Variants in MAP2 observed in about 807,000 individuals in gnomAD.
The protein encoded by MAP2 is microtubule-associated protein 2.
MAP2 carries 14 observed loss-of-function variants against 137.6 expected under a neutral mutation model. That is an observed-to-expected ratio of 0.10 (90% CI 0.07 to 0.16). MAP2 has a LOEUF of 0.16. Ranked by LOEUF, MAP2 falls within the 10% of genes least tolerant of loss-of-function variation. MAP2 has a pLI of 1.00. For synonymous variants in MAP2, 786 were observed against 782.3 expected (o/e 1.00, Z -0.08); for missense variants, 2,088 against 2,191.5 (o/e 0.95, Z 0.94).
intron 1 of MAP2, among the ~76,000 whole-genome samples, chr2:209,430,109 A>G (rs530104706): frequency 2.0e-5 from 3 of 151,044 alleles, no homozygotes; most frequent in African/African-American, 7.3e-5. Context: ...CCCACTTTGA[A>G]AAACAAGCAA....
intron 1 of MAP2, among the ~76,000 whole-genome samples, chr2:209,496,714 A>C (rs2059791800): frequency 6.6e-6 from 1 of 152,120 alleles, no homozygotes; most frequent in African/African-American, 2.4e-5. Context: ...CTAAGAATGT[A>C]CTGGGAGTCT....
At chr2:209,596,060 A>T (rs1284930622) in intron 3 of MAP2, among the ~76,000 whole-genome samples, 3 of 152,192 alleles carry the variant, frequency 2.0e-5, no homozygotes, top group African/African-American at 7.2e-5. Flanking sequence ...CCTATGTAAC[A>T]AACCTACACG....
chr2:209,562,653 C>A (rs192977478), intron 2 of MAP2, among the ~76,000 whole-genome samples: 1 of 151,674 alleles, frequency 6.6e-6, no homozygotes, highest in African/African-American at 2.4e-5. Flanking sequence ...GCCAAGATTG[C>A]GCCACCACAC....
chr2:209,472,364 C>T (rs75006660), intron 1 of MAP2, among the ~76,000 whole-genome samples: 60 of 152,158 alleles, frequency 3.9e-4, no homozygotes, highest in Non-Finnish European at 7.2e-4. Context: ...ATATCAACAC[C>T]AAGCTTAAAA....
At position 209,693,741 on chromosome 2, in the gene MAP2, C is replaced by T. The variant is rs908733854; in HGVS notation, c.1571C>T (p.Pro524Leu). Residue 524 changes from proline (P) to leucine (L), a missense_variant, in exon 8 of 16, where the codon CCA becomes CTA. Physicochemically the swap from Pro to Leu is moderately conservative, Grantham distance 98. This residue lies in a region of MAP2 where 859 missense variants were observed against 794.5 expected (regional missense o/e 1.08). Coordinates refer to ENST00000682079, the MANE Select transcript of MAP2 (RefSeq NM_001375505.1). ...ACACTGGAGAAAGCCATGACCGAAC[C>T]ATCTGCATTAATTGAAAAGAGCTCA... ...SKTLEKAMTE[P>L]SALIEKSSIQ... is the part of the protein sequence containing the mutation. The T allele has an allele frequency of 4.3e-6, 7 of 1,613,498 alleles. No homozygotes were observed. Among genetic ancestry groups the T allele is most frequent in the South Asian group, 1.1e-5 (1 of 90,936 alleles).
At chr2:209,554,370 C>T (rs188928982) in intron 2 of MAP2, among the ~76,000 whole-genome samples, 3 of 152,286 alleles carry the variant, frequency 2.0e-5, no homozygotes, top group Non-Finnish European at 2.9e-5. Context: ...TGGTCTTCTC[C>T]ACTCTCTTCT....
intron 1 of MAP2, among the ~76,000 whole-genome samples, chr2:209,504,968 A>G (rs1034107831): frequency 2.0e-5 from 3 of 152,150 alleles, no homozygotes; most frequent in Non-Finnish European, 4.4e-5. Context: ...ATACACAGTC[A>G]CTGAGTGTGT....
At position 209,444,573 on chromosome 2, in the gene MAP2, T is replaced by C. The variant is rs554808938; in HGVS notation, c.-222+20297T>C. 7.3e-5 allele frequency among the ~76,000 whole-genome samples: 11 copies of C among 151,652 alleles called. No homozygotes were observed. The South Asian group carries it at 2.3e-3, about 31-fold the overall frequency. ...TTGAATCAAGATCTGAAGTGAATTT[T>C]GGTTGCAGTTTAGTAAAATTAAGAT... is the stretch of plus-strand genomic sequence containing the variant. On this transcript the variant is annotated intron_variant, in intron 1 of 15. Transcript: ENST00000682079.
At chr2:209,718,645 G>A (rs555403770) in intron 13 of MAP2, among the ~76,000 whole-genome samples, 3 of 152,080 alleles carry the variant, frequency 2.0e-5, no homozygotes, top group Non-Finnish European at 4.4e-5. Flanking sequence ...TGTGCCATGC[G>A]ACTCAGCTTG....
chr2:209,726,577 G>T (rs962481722), intron 14 of MAP2, among the ~76,000 whole-genome samples: 9 of 152,106 alleles, frequency 5.9e-5, no homozygotes, highest in African/African-American at 2.2e-4. Context: ...CAGCAACATA[G>T]GGAAACCCCT....
At chr2:209,637,814 G>A (rs1286915623) in intron 4 of MAP2, among the ~76,000 whole-genome samples, 3 of 151,986 alleles carry the variant, frequency 2.0e-5, no homozygotes, top group Non-Finnish European at 4.4e-5. Context: ...TAAACTTTTT[G>A]TGATTTTTCT....
chr2:209,606,841 A>G (rs1348630068), intron 3 of MAP2, among the ~76,000 whole-genome samples: 5 of 152,216 alleles, frequency 3.3e-5, no homozygotes, highest in African/African-American at 1.2e-4. Flanking sequence ...GTCAAAAGCT[A>G]ACTCAAGTAA....
intron 7 of MAP2, among the ~76,000 whole-genome samples, chr2:209,688,326 C>T (rs1319620592): frequency 6.6e-6 from 1 of 152,100 alleles, no homozygotes; most frequent in Admixed American, 6.5e-5. Context: ...AAGAAGATGA[C>T]TCTGAATATA....
In MAP2 at chr2:209,694,743, T is replaced by A. The variant is rs748616548; in HGVS notation, c.2573T>A (p.Val858Glu). 5.0e-6 allele frequency: 8 copies of A among 1,614,026 alleles called. No homozygotes were observed. The South Asian group carries it at 8.8e-5, about 18-fold the overall frequency. ...PPVTDENHVI[V>E]KTDSQLEDLG... ...GTAACTGATGAAAACCATGTCATTG[T>A]AAAAACGGACAGTCAGCTCGAAGAC... The change falls in exon 8 of 16, where the codon GTA becomes GAA. Residue 858 changes from valine (V) to glutamate (E), a missense_variant. Val to Glu is a moderately radical substitution (Grantham distance 121, BLOSUM62 -2). Around this residue, in one of 6 missense-constraint regions of MAP2, gnomAD observed 500 missense variants for 482.9 expected, o/e 1.04. Transcript: ENST00000682079.
chr2:209,610,704 G>T (rs1193012861), intron 3 of MAP2, among the ~76,000 whole-genome samples: 2 of 151,908 alleles, frequency 1.3e-5, no homozygotes. Flanking sequence ...AGCAATCATG[G>T]CTACTTAAGA....
chr2:209,728,035 G>A (rs958475249), intron 14 of MAP2, among the ~76,000 whole-genome samples: 33 of 152,188 alleles, frequency 2.2e-4, no homozygotes, highest in African/African-American at 7.7e-4. Flanking sequence ...TCAGAGGGCT[G>A]AGGAGGGAGG....
intron 1 of MAP2, among the ~76,000 whole-genome samples, chr2:209,469,515 A>G (rs1443087619): frequency 6.6e-6 from 1 of 152,142 alleles, no homozygotes; most frequent in African/African-American, 2.4e-5. Context: ...TTTTTGGTTA[A>G]TGATTAATGG....
At chr2:209,540,497 G>GTTGTTATCTTGACAAT (rs1577555286) in intron 2 of MAP2, among the ~76,000 whole-genome samples, 1 of 150,486 alleles carries the variant, frequency 6.6e-6, no homozygotes, top group African/African-American at 2.5e-5. Flanking sequence ...CGAGCGTGGT[G>GTTGTTATCTTGACAAT]GCACGCGTCT....
chr2:209,580,111 T>G lies in MAP2; in HGVS notation c.-107+11T>G, dbSNP rs1366648257. On this transcript the variant is annotated intron_variant, in intron 3 of 15. Transcript: ENST00000682079. ...TCAGAAAATTAAAAGGTACCACATG[T>G]TTTGTTTGGATGTTTTAATGAGGGA... The G allele has an allele frequency of 6.6e-6, 1 of 151,866 alleles. No homozygotes were observed. The highest frequency in any genetic ancestry group is 1.5e-5 in the Non-Finnish European group (1 of 67,948). The allele number at this position is 151,866 out of a possible 1,614,324, so 9.4% of individuals were successfully genotyped here. A position where few individuals can be genotyped will look rare whatever the true frequency, so the allele number is the denominator to read the frequency against.
Sources: allele counts gnomAD v4.1 joint callset (sites outside exome capture counted in the v4.1 genomes callset), GRCh38; gene constraint gnomAD v4.1.1; regional missense constraint gnomAD v4.1.1; transcripts MANE v1.5; gene names NCBI Gene and HGNC (gene_info 2026-07-23, HGNC 2026-07-21).